The following PTGER4 variants were observed in gnomAD, a reference collection of about 807,000 sequenced individuals.
PTGER4 encodes prostaglandin E2 receptor EP4 subtype.
A neutral mutation model predicts 33.2 loss-of-function variants in PTGER4; 11 were observed. That is an observed-to-expected ratio of 0.33 (90% CI 0.21 to 0.55). PTGER4 has a LOEUF of 0.55. Among genes scored for constraint, PTGER4 ranks in the 20% least tolerant of loss-of-function variants. The pLI is 0.92. For synonymous variants in PTGER4, 275 were observed against 281.5 expected, an observed-to-expected ratio of 0.98 and a Z score of 0.23; for missense variants, 481 against 650.2, an observed-to-expected ratio of 0.74 and a Z score of 2.83.
chr5:40,708,692 A>C, the PTGER4 span, among the ~76,000 whole-genome samples: 1 of 152,268 alleles, frequency 6.6e-6, no homozygotes, highest in African/African-American at 2.4e-5. Context: ...TGAGGCCAGC[A>C]TCATCCTGAT....
the PTGER4 span, among the ~76,000 whole-genome samples, chr5:40,731,244 T>C: frequency 6.6e-6 from 1 of 152,122 alleles, no homozygotes; most frequent in South Asian, 2.1e-4. Flanking sequence ...AAGGAAAAGG[T>C]TGGACTGTTT....
At chr5:40,718,753 T>C in the PTGER4 span, among the ~76,000 whole-genome samples, 5 of 149,786 alleles carry the variant, frequency 3.3e-5, no homozygotes, top group Non-Finnish European at 7.4e-5. Flanking sequence ...AAAAAAAAAT[T>C]AGCTGGGTGT....
At chr5:40,722,776 C>T in the PTGER4 span, among the ~76,000 whole-genome samples, 2 of 150,512 alleles carry the variant, frequency 1.3e-5, no homozygotes, top group East Asian at 2.0e-4. Flanking sequence ...CCGGAGGTGG[C>T]GGGGCAGCCC....
At chr5:40,722,497 G>T in the PTGER4 span, among the ~76,000 whole-genome samples, 19 of 150,886 alleles carry the variant, frequency 1.3e-4, no homozygotes, top group South Asian at 4.0e-3. Flanking sequence ...TCTGGGATGT[G>T]GGGAGCGCCT....
At chr5:40,709,652 A>G in the PTGER4 span, among the ~76,000 whole-genome samples, 1 of 152,184 alleles carries the variant, frequency 6.6e-6, no homozygotes, top group South Asian at 2.1e-4. Context: ...CAAGCTACCA[A>G]TGACTTTCTT....
chr5:40,709,243 G>C, the PTGER4 span, among the ~76,000 whole-genome samples: 1 of 152,178 alleles, frequency 6.6e-6, no homozygotes, highest in Non-Finnish European at 1.5e-5. Context: ...AAGTCAAATT[G>C]TCCCTGTTTG....
the PTGER4 span, among the ~76,000 whole-genome samples, chr5:40,706,322 A>G: frequency 6.6e-6 from 1 of 152,094 alleles, no homozygotes. Context: ...AATGGGGTCT[A>G]CCTGAGTGGG....
the PTGER4 span, among the ~76,000 whole-genome samples, chr5:40,718,004 G>T: frequency 6.6e-6 from 1 of 151,992 alleles, no homozygotes; most frequent in Non-Finnish European, 1.5e-5. Flanking sequence ...GGAGGTTGCA[G>T]TGAGCCAAGA....
chr5:40,694,604 CA>C (rs1438439602), downstream of PTGER4, among the ~76,000 whole-genome samples: 2 of 148,100 alleles, frequency 1.4e-5, no homozygotes, highest in African/African-American at 5.3e-5. Context: ...TCCAGGTGAG[CA>C]CATCCCTGAT....
Position 40,681,001 on chromosome 5 carries a change from C to T in PTGER4, c.8C>T (p.Thr3Ile). 1 of 1,610,778 alleles carries T rather than the reference C, an allele frequency of 6.2e-7. No individual in the cohort carries two copies. The highest frequency in any genetic ancestry group is 8.5e-7 in the Non-Finnish European group (1 of 1,178,268). MSTPGVNSSASLS... is the reference protein window; with the variant it reads MSIPGVNSSASLS... ...GCACCGCCAGCCACTATCATGTCCA[C>T]TCCCGGGGTCAATTCGTCCGCCTCC... The change falls in exon 2 of 3, where the codon ACT (threonine) becomes ATT (isoleucine). Residue 3 changes from threonine (T) to isoleucine (I), a missense_variant. By Grantham distance (89) the Thr-to-Ile change is moderately conservative (BLOSUM62 -1). Transcript: ENST00000302472. This position sits in a 1 kb window ranked among gnomAD's most constrained non-coding sequence, Gnocchi z 9.8.
At chr5:40,690,985 A>T (rs1235159693) in intron 2 of PTGER4, among the ~76,000 whole-genome samples, 2 of 152,228 alleles carry the variant, frequency 1.3e-5, no homozygotes, top group African/African-American at 4.8e-5. Flanking sequence ...CGAACTCAGA[A>T]CATGTAATTG....
chr5:40,725,220 C>A, the PTGER4 span, among the ~76,000 whole-genome samples: 1 of 150,958 alleles, frequency 6.6e-6, no homozygotes, highest in Non-Finnish European at 1.5e-5. Context: ...CTCCTGGCCT[C>A]AAGCAATCCT....
rs1741506855 is a variant in PTGER4 at position 40,692,741 on chromosome 5, C to T, written c.*363C>T. On this transcript the variant is annotated 3_prime_UTR_variant, in exon 3 of 3. Coordinates refer to ENST00000302472, the MANE Select transcript of PTGER4 (RefSeq NM_000958.3). ...AGCAGAGGCCCAGATATTAGAAAGG[C>T]TCTATTCCAATAAACTATGAGGACT... The T allele has an allele frequency of 9.9e-7, 1 of 1,015,204 alleles. No individual in the cohort carries two copies. Among genetic ancestry groups the T allele is most frequent in the African/African-American group, 1.7e-5 (1 of 58,082 alleles). 62.9% of individuals were successfully genotyped at this position (1,015,204 alleles called of 1,614,324 possible).
chr5:40,680,977 C>T lies in PTGER4; in HGVS notation c.-17C>T, dbSNP rs1310132622. On this transcript the variant is annotated 5_prime_UTR_variant, in exon 2 of 3. Transcript: ENST00000302472. The surrounding 1 kb of genome is among the most constrained non-coding windows in gnomAD (Gnocchi z 5.5). Reference sequence around the variant, plus strand: ...CCCAGCCTTGCACTCCAAGGCTGCGCACCGCCAGCCACTATCATGTCCACT... The same window carrying T: ...CCCAGCCTTGCACTCCAAGGCTGCGTACCGCCAGCCACTATCATGTCCACT... 6.3e-7 allele frequency: 1 copy of T among 1,591,372 alleles called. No homozygotes were observed.
the PTGER4 span, among the ~76,000 whole-genome samples, chr5:40,740,642 T>A: frequency 6.6e-5 from 10 of 152,192 alleles, no homozygotes; most frequent in Admixed American, 6.5e-5. Context: ...GGGACAACTC[T>A]GACTTGACGA....
chr5:40,743,000 T>C, the PTGER4 span, among the ~76,000 whole-genome samples: 2 of 152,180 alleles, frequency 1.3e-5, no homozygotes, highest in Non-Finnish European at 2.9e-5. Context: ...CTGAAGACAC[T>C]ATACAAGTTA....
At chr5:40,714,062 A>G in the PTGER4 span, among the ~76,000 whole-genome samples, 1 of 152,158 alleles carries the variant, frequency 6.6e-6, no homozygotes, top group Non-Finnish European at 1.5e-5. Flanking sequence ...AACTTGGCCT[A>G]CCATGCCAGT....
the PTGER4 span, among the ~76,000 whole-genome samples, chr5:40,745,083 CTT>C: frequency 7.2e-5 from 11 of 152,292 alleles, no homozygotes; most frequent in South Asian, 2.3e-3. Context: ...GGTCTGGACT[CTT>C]CCAATAGTCA....
the PTGER4 span, among the ~76,000 whole-genome samples, chr5:40,731,554 GA>G: frequency 4.6e-5 from 7 of 152,346 alleles, no homozygotes; most frequent in Admixed American, 4.6e-4. Context: ...GCACGAGAGA[GA>G]AATGAGCGCT....
Sources: gnomAD v4.1 joint callset for allele counts (sites outside exome capture counted in the v4.1 genomes callset) on GRCh38, gnomAD v4.1.1 for gene constraint, Gnocchi (gnomAD v3.1) non-coding constraint, MANE v1.5 for transcripts, NCBI Gene and HGNC (gene_info 2026-07-23, HGNC 2026-07-21) for gene names.